MYLK: variants seen among roughly 807,000 people sequenced by gnomAD.
The protein encoded by MYLK is myosin light chain kinase, smooth muscle.
MYLK carries 106 observed loss-of-function variants against 203.4 expected under a neutral mutation model. The observed-to-expected ratio is 0.52, with a 90% CI of 0.45 to 0.61. The LOEUF (loss-of-function observed/expected upper bound fraction) is 0.61, where lower values mean the gene tolerates loss of function less well. MYLK is among the 20% of genes least tolerant of loss of function. The probability of loss-of-function intolerance (pLI) is 0.00; values close to 1 mark genes in which losing one functional copy is unlikely to be tolerated. For missense variants in MYLK, 2,072 were observed against 2,442.3 expected, an observed-to-expected ratio of 0.85 and a Z score of 3.20; for synonymous variants, 867 against 959.5, an observed-to-expected ratio of 0.90 and a Z score of 1.78.
rs776975714 is a variant in MYLK, at chr3:123,657,146, G to A, written c.4268C>T (p.Thr1423Met). Residue 1423 changes from threonine to methionine, a missense_variant, in exon 24 of 34, where the codon ACG (threonine) becomes ATG (methionine). Coordinates refer to ENST00000360304, the MANE Select transcript of MYLK (RefSeq NM_053025.4). ...SEPSQESELT[T>M]VGEKPEEPKD... is the part of the protein sequence containing the mutation. Reference sequence around the variant, plus strand: ...CCTACCTTCAGGTTTCTCTCCTACCGTTGTGAGTTCAGACTCCTGGCTTGG... The same window carrying A: ...CCTACCTTCAGGTTTCTCTCCTACCATTGTGAGTTCAGACTCCTGGCTTGG... 83 of 1,614,002 alleles carry A rather than the reference G, an allele frequency of 5.1e-5. No individual in the cohort carries two copies. The highest frequency in any genetic ancestry group is 1.2e-4 in the African/African-American group (9 of 74,900).
intron 29 of MYLK, among the ~76,000 whole-genome samples, chr3:123,632,588 T>TGGCTCCTTGCCTGCCC (rs1417404460): frequency 9.2e-5 from 14 of 152,292 alleles, no homozygotes; most frequent in Admixed American, 4.6e-4. Flanking sequence ...TCACCCTGCC[T>TGGCTCCTTGCCTGCCC]GGCTCCTTGC....
chr3:123,766,529 G>A (rs182114345), intron 4 of MYLK, among the ~76,000 whole-genome samples: 3 of 152,392 alleles, frequency 2.0e-5, no homozygotes, highest in Admixed American at 1.3e-4. Flanking sequence ...AGCAGTAGGG[G>A]TGACTTACAG....
rs561431588 is a variant in MYLK, at chr3:123,620,732, G to A, written c.5239-396C>T. ...GCGGGGCTATTTCTCGTAAAACAAT[G>A]CCAGTGATGTGATTATAATTGGCCA... On this transcript the variant is annotated intron_variant, in intron 31 of 33. Transcript: ENST00000360304. 40 of 724,848 alleles carry A rather than the reference G, an allele frequency of 5.5e-5. No homozygotes were observed. In the South Asian group the frequency reaches 1.8e-3, roughly 32 times the overall value. The allele number at this position is 724,848 out of a possible 1,614,324, so 44.9% of individuals were successfully genotyped here. A position where few individuals can be genotyped will look rare whatever the true frequency, so the allele number is the denominator to read the frequency against.
At chr3:123,761,373 G>A (rs1047061893) in intron 4 of MYLK, among the ~76,000 whole-genome samples, 1 of 152,192 alleles carries the variant, frequency 6.6e-6, no homozygotes, top group Non-Finnish European at 1.5e-5. Context: ...CCTGCTCCAC[G>A]TTGGGTCAGA....
At chr3:123,647,179 G>C in intron 27 of MYLK, 45 bp downstream of exon 27, 2 of 1,577,682 alleles carry the variant, frequency 1.3e-6, no homozygotes, top group Non-Finnish European at 1.7e-6. Flanking sequence ...AGACACGTTT[G>C]GGGGCTCCCT....
chr3:123,648,966 C>G lies in MYLK; in HGVS notation c.4415+5G>C. On this transcript the variant is annotated splice_donor_5th_base_variant and intron_variant, in intron 26 of 33. Transcript: ENST00000360304. This position sits in a 1 kb window ranked among gnomAD's most constrained non-coding sequence, Gnocchi z 4.5. ...AGCCCAGAGGCAACTTCCCACTCCACTTACGATCCTAATCTCTCCTCAATG... is the reference window on the plus strand; with the variant it reads ...AGCCCAGAGGCAACTTCCCACTCCAGTTACGATCCTAATCTCTCCTCAATG... 1 of 1,613,984 alleles carries G rather than the reference C, an allele frequency of 6.2e-7. No homozygotes were observed. Among genetic ancestry groups the G allele is most frequent in the Non-Finnish European group, 8.5e-7 (1 of 1,179,876 alleles).
At chr3:123,874,837 G>C (rs2033043064) in intron 2 of MYLK, among the ~76,000 whole-genome samples, 1 of 152,090 alleles carries the variant, frequency 6.6e-6, no homozygotes, top group Non-Finnish European at 1.5e-5. Flanking sequence ...GACTTAAACA[G>C]ATACTTCACC....
chr3:123,743,148 TA>T (rs999927875), intron 5 of MYLK, among the ~76,000 whole-genome samples: 2 of 151,600 alleles, frequency 1.3e-5, no homozygotes, highest in African/African-American at 2.4e-5. Context: ...TTTACCACAA[TA>T]AAAAAAATTA....
intron 6 of MYLK, among the ~76,000 whole-genome samples, chr3:123,739,453 G>A (rs1479839800): frequency 6.6e-6 from 1 of 152,248 alleles, no homozygotes; most frequent in Admixed American, 6.5e-5. Flanking sequence ...GTGAGATGCA[G>A]AAGGCCCAGT....
chr3:123,708,804 G>C lies in MYLK; in HGVS notation c.2034C>G (p.His678Gln). ...GGAACACTTCCTGGATACAAAGGCT[G>C]TGCTGAGTTCCTCTCTGTTCAAAGT... ...DFHFEQRGTQ[H>Q]SLCIQEVFPE... The change falls in exon 15 of 34, where the codon CAC (histidine) becomes CAG (glutamine). Residue 678 changes from histidine (H) to glutamine (Q), a missense_variant. His to Gln is a conservative substitution (Grantham distance 24). This residue lies in a region of MYLK where 865 missense variants were observed against 1,016.0 expected (regional missense o/e 0.85). Transcript: ENST00000360304. 1 of 1,614,218 alleles carries C rather than the reference G, an allele frequency of 6.2e-7. No homozygotes were observed. The highest frequency in any genetic ancestry group is 8.5e-7 in the Non-Finnish European group (1 of 1,180,048).
chr3:123,744,000 A>G (rs867334854), intron 5 of MYLK, among the ~76,000 whole-genome samples: 5 of 152,194 alleles, frequency 3.3e-5, no homozygotes, highest in African/African-American at 9.7e-5. Flanking sequence ...CTTGTAGCCA[A>G]CTTCAAAGTG....
chr3:123,703,256 G>C (rs1381552927), intron 16 of MYLK, among the ~76,000 whole-genome samples: 2 of 152,192 alleles, frequency 1.3e-5, no homozygotes, highest in African/African-American at 2.4e-5. Context: ...TCACCCTTGG[G>C]TGCTGGCACC....
At chr3:123,855,323 T>C (rs2031259842) in intron 2 of MYLK, among the ~76,000 whole-genome samples, 1 of 152,222 alleles carries the variant, frequency 6.6e-6, no homozygotes, top group African/African-American at 2.4e-5. Context: ...GCTAAACTTC[T>C]CCGTACTATT....
At chr3:123,735,214 A>T (rs1034224327) in intron 9 of MYLK, 184 bp downstream of exon 9, 110 of 793,204 alleles carry the variant, frequency 1.4e-4, no homozygotes, top group Non-Finnish European at 1.6e-4. Context: ...GCAACCTGAG[A>T]TAGAACCCGT....
intron 2 of MYLK, among the ~76,000 whole-genome samples, chr3:123,858,480 C>T (rs972592249): frequency 2.6e-5 from 4 of 152,104 alleles, no homozygotes; most frequent in Admixed American, 1.3e-4. Flanking sequence ...CTGAGAAGTA[C>T]AAGGTCGAGA....
chr3:123,797,695 C>A (rs1202580203), intron 3 of MYLK, among the ~76,000 whole-genome samples: 1 of 152,204 alleles, frequency 6.6e-6, no homozygotes, highest in East Asian at 1.9e-4. Flanking sequence ...GTGAGCTGGG[C>A]AAGGTGCTCC....
At chr3:123,800,530 G>A (rs1577016889) in intron 3 of MYLK, among the ~76,000 whole-genome samples, 1 of 152,154 alleles carries the variant, frequency 6.6e-6, no homozygotes, top group Non-Finnish European at 1.5e-5. Flanking sequence ...CACAGACTGT[G>A]TTCATGTTGA....
chr3:123,772,526 A>T (rs753303958), intron 4 of MYLK, among the ~76,000 whole-genome samples: 2 of 152,138 alleles, frequency 1.3e-5, no homozygotes, highest in Non-Finnish European at 2.9e-5. Flanking sequence ...CAGGCATGAC[A>T]CTAATAGTGG....
chr3:123,662,869 G>A (rs1357413860), intron 23 of MYLK, among the ~76,000 whole-genome samples: 2 of 152,184 alleles, frequency 1.3e-5, no homozygotes, highest in Non-Finnish European at 2.9e-5. Context: ...CATGAGTTCT[G>A]GGGTGAGGCT....
Sources: gnomAD v4.1 joint callset for allele counts (sites outside exome capture counted in the v4.1 genomes callset) on GRCh38, gnomAD v4.1.1 for gene constraint, gnomAD v4.1.1 regional missense constraint, Gnocchi (gnomAD v3.1) non-coding constraint, MANE v1.5 for transcripts, NCBI Gene and HGNC (gene_info 2026-07-23, HGNC 2026-07-21) for gene names.